The following ZFHX4 variants were observed in gnomAD, a reference collection of about 807,000 sequenced individuals.
ZFHX4 encodes zinc finger homeobox protein 4.
Under a neutral mutation model 267.6 loss-of-function variants are expected in ZFHX4, and 56 were observed. The observed-to-expected ratio is 0.21, with a 90% confidence interval of 0.17 to 0.26. The LOEUF is 0.26. ZFHX4 is among the 10% of genes least tolerant of loss of function. ZFHX4 has a pLI of 1.00. For synonymous variants in ZFHX4, 1,778 were observed against 1,665.6 expected, an observed-to-expected ratio of 1.07 and a Z score of -1.64; for missense variants, 4,332 against 4,420.0, an observed-to-expected ratio of 0.98 and a Z score of 0.56.
intron 3 of ZFHX4, among the ~76,000 whole-genome samples, chr8:76,770,524 C>T (rs1046643493): frequency 6.6e-6 from 1 of 151,952 alleles, no homozygotes; most frequent in African/African-American, 2.4e-5. Flanking sequence ...ATATGCTGGA[C>T]ATTATTTAGG....
In ZFHX4 at chr8:76,704,156, G is replaced by A; in HGVS notation, c.68G>A (p.Gly23Glu). ...ENGQSTSKLC[G>E]TTQLDNEVPE... ...GGGCAGAGCACATCAAAGCTATGTG[G>A]AACGACACAACTTGATAATGAGGTG... Residue 23 changes from glycine to glutamate, a missense_variant, in exon 2 of 11, where the codon GGA (glycine) becomes GAA (glutamate). Gly to Glu is a moderately conservative substitution (Grantham distance 98). This residue lies in a region of ZFHX4 where 1,195 missense variants were observed against 1,173.6 expected (regional missense o/e 1.02). Coordinates refer to ENST00000651372, the MANE Select transcript of ZFHX4 (RefSeq NM_024721.5). 1 of 1,613,952 alleles carries A rather than the reference G, an allele frequency of 6.2e-7. No homozygotes were observed. Among genetic ancestry groups the A allele is most frequent in the Non-Finnish European group, 8.5e-7 (1 of 1,179,892 alleles).
At chr8:76,807,197 T>G (rs577617272) in intron 4 of ZFHX4, among the ~76,000 whole-genome samples, 9 of 152,182 alleles carry the variant, frequency 5.9e-5, no homozygotes, top group Admixed American at 1.3e-4. Flanking sequence ...TGTGATTTTT[T>G]TTACTCCCAT....
At chr8:76,707,510 G>C in intron 2 of ZFHX4, 36 bp from the exon 3 acceptor site, 4 of 1,461,370 alleles carry the variant, frequency 2.7e-6, no homozygotes, top group Non-Finnish European at 3.6e-6. Flanking sequence ...GTGTTTTCTA[G>C]TCTCTATTTT....
chr8:76,760,931 AAAAAAAAAAAAAAAAAAAAGAG>A (rs1033386042), intron 3 of ZFHX4, among the ~76,000 whole-genome samples: 3 of 148,410 alleles, frequency 2.0e-5, no homozygotes, highest in African/African-American at 7.4e-5. Context: ...CCTGCCTCAA[AAAAAAAAAAAAAAAAAAAAGAG>A]AAAAAAAAGT....
Position 76,704,142 on chromosome 8 carries a change from A to C in ZFHX4, c.54A>C (p.Thr18=). Residue 18 remains threonine (T), a synonymous_variant, in exon 2 of 11, where the codon ACA becomes ACC. Transcript: ENST00000651372. The stretch of plus-strand genomic sequence containing the variant: ...CAAGGCAGGAAAATGGGCAGAGCAC[A>C]TCAAAGCTATGTGGAACGACACAAC... The part of the protein sequence containing the change: ...PISRQENGQS[T]SKLCGTTQLD... 6.2e-7 allele frequency: 1 copy of C among 1,613,996 alleles called. No individual in the cohort carries two copies. The highest frequency in any genetic ancestry group is 8.5e-7 in the Non-Finnish European group (1 of 1,179,878).
intron 3 of ZFHX4, among the ~76,000 whole-genome samples, chr8:76,759,418 C>A (rs936355157): frequency 6.6e-6 from 1 of 152,214 alleles, no homozygotes; most frequent in South Asian, 2.1e-4. Flanking sequence ...TTTTCACTCT[C>A]TTGGCATCAA....
At chr8:76,744,756 T>A (rs990709905) in intron 3 of ZFHX4, among the ~76,000 whole-genome samples, 1 of 152,122 alleles carries the variant, frequency 6.6e-6, no homozygotes, top group Non-Finnish European at 1.5e-5. Context: ...TTAAAAAAAT[T>A]TTTTTAGATA....
chr8:76,681,933 G>C (rs1807541692), intron 1 of ZFHX4, among the ~76,000 whole-genome samples: 1 of 152,170 alleles, frequency 6.6e-6, no homozygotes, highest in Non-Finnish European at 1.5e-5. Flanking sequence ...TAGGGGGGCT[G>C]CGTTTTTCCG....
At chr8:76,692,316 A>G (rs1807845654) in intron 1 of ZFHX4, among the ~76,000 whole-genome samples, 1 of 152,156 alleles carries the variant, frequency 6.6e-6, no homozygotes, top group South Asian at 2.1e-4. Context: ...TCGCTGAATT[A>G]GAGGATTTTC....
chr8:76,767,124 A>T (rs888944589), intron 3 of ZFHX4, among the ~76,000 whole-genome samples: 3 of 152,074 alleles, frequency 2.0e-5, no homozygotes, highest in Admixed American at 2.0e-4. Context: ...TGACATGAAC[A>T]TACAAATTAG....
chr8:76,763,951 C>T (rs746315238), intron 3 of ZFHX4, among the ~76,000 whole-genome samples: 38 of 152,100 alleles, frequency 2.5e-4, no homozygotes, highest in Non-Finnish European at 4.6e-4. Flanking sequence ...TTTATTACAG[C>T]AGCTAAACTT....
In ZFHX4 at chr8:76,851,754, C is replaced by T. The variant is rs775599023; in HGVS notation, c.4833C>T (p.His1611=). 1.2e-5 allele frequency: 19 copies of T among 1,613,868 alleles called. No homozygotes were observed. Among genetic ancestry groups the T allele is most frequent in the Non-Finnish European group, 9.3e-6 (11 of 1,179,890 alleles). ...GCCAAAGCTCAACATTGGAAATCCA[C>T]ATGAGGTCTGTGCTCCACCAGACAA... ...AYSQSSTLEI[H]MRSVLHQTKA... The change falls in exon 10 of 11, where the codon CAC becomes CAT. Residue 1611 remains histidine, a synonymous_variant. Coordinates refer to ENST00000651372, the MANE Select transcript of ZFHX4 (RefSeq NM_024721.5).
At chr8:76,736,202 G>T (rs911110625) in intron 3 of ZFHX4, among the ~76,000 whole-genome samples, 1 of 151,544 alleles carries the variant, frequency 6.6e-6, no homozygotes, top group Non-Finnish European at 1.5e-5. Flanking sequence ...AAGGGAAGTG[G>T]CATGTATGGT....
intron 4 of ZFHX4, chr8:76,782,100 ATTTTTTTT>A (rs77420241): frequency 4.2e-3 from 983 of 236,394 alleles, no homozygotes; most frequent in South Asian, 0.011. Flanking sequence ...TCAGTTAAGA[ATTTTTTTT>A]TTTTTTTTTT....
At chr8:76,828,302 T>A (rs1811840213) in intron 4 of ZFHX4, among the ~76,000 whole-genome samples, 1 of 152,134 alleles carries the variant, frequency 6.6e-6, no homozygotes, top group African/African-American at 2.4e-5. Flanking sequence ...AATTTAGTTT[T>A]CAGGCTGCCT....
chr8:76,855,424 C>G lies in ZFHX4; in HGVS notation c.8503C>G (p.Pro2835Ala). The G allele has an allele frequency of 6.2e-7, 1 of 1,613,608 alleles. No individual in the cohort carries two copies. The highest frequency in any genetic ancestry group is 1.3e-5 in the African/African-American group (1 of 74,926). The change falls in exon 10 of 11, where the codon CCG (proline) becomes GCG (alanine). Residue 2835 changes from proline (P) to alanine (A), a missense_variant. Physicochemically the swap from Pro to Ala is conservative, Grantham distance 27 (BLOSUM62 -1). Coordinates refer to ENST00000651372, the MANE Select transcript of ZFHX4 (RefSeq NM_024721.5). ...STTGSSGDVKPALSPKEPKTL... is the reference protein window; with the variant it reads ...STTGSSGDVKAALSPKEPKTL... ...CACAGGAAGTTCCGGAGATGTGAAA[C>G]CGGCTTTGTCTCCCAAAGAGCCAAA...
At chr8:76,746,743 A>T (rs1478829421) in intron 3 of ZFHX4, among the ~76,000 whole-genome samples, 1 of 152,212 alleles carries the variant, frequency 6.6e-6, no homozygotes, top group Non-Finnish European at 1.5e-5. Flanking sequence ...CATAAAGTTT[A>T]AAAGCAAAAC....
At chr8:76,837,587 G>A (rs1812126198) in intron 5 of ZFHX4, among the ~76,000 whole-genome samples, 1 of 151,532 alleles carries the variant, frequency 6.6e-6, no homozygotes, top group African/African-American at 2.4e-5. Context: ...GGTAGCATGT[G>A]GACTCTTCCT....
intron 3 of ZFHX4, among the ~76,000 whole-genome samples, chr8:76,746,512 C>T (rs1809463920): frequency 6.6e-6 from 1 of 152,158 alleles, no homozygotes; most frequent in Non-Finnish European, 1.5e-5. Context: ...ATTTTCAGAA[C>T]TTCATTCTTT....
Sources: allele counts gnomAD v4.1 joint callset (sites outside exome capture counted in the v4.1 genomes callset), GRCh38; gene constraint gnomAD v4.1.1; regional missense constraint gnomAD v4.1.1; transcripts MANE v1.5; gene names NCBI Gene and HGNC (gene_info 2026-07-23, HGNC 2026-07-21).